Variants in STAM observed in about 807,000 individuals in gnomAD.
STAM encodes the protein signal transducing adapter molecule 1.
Under a neutral mutation model 63.4 loss-of-function variants are expected in STAM, and 16 were observed. That is an observed-to-expected ratio of 0.25 (90% CI 0.17 to 0.38). The LOEUF (loss-of-function observed/expected upper bound fraction) is 0.38. STAM is among the 10% of genes least tolerant of loss of function. The pLI is 1.00. For synonymous variants in STAM, 238 were observed against 223.9 expected, an observed-to-expected ratio of 1.06 and a Z score of -0.56; for missense variants, 636 against 657.1, an observed-to-expected ratio of 0.97 and a Z score of 0.35.
intron 1 of STAM, among the ~76,000 whole-genome samples, chr10:17,655,968 G>A (rs2131573181): frequency 6.6e-6 from 1 of 151,780 alleles, no homozygotes; most frequent in Admixed American, 6.6e-5. Context: ...CTCTTAAGTT[G>A]CTTTTTTCTT....
intron 10 of STAM, among the ~76,000 whole-genome samples, 174 bp downstream of exon 10, chr10:17,704,692 T>C (rs528293227): frequency 2.1e-4 from 32 of 152,362 alleles, no homozygotes; most frequent in Non-Finnish European, 2.8e-4. Flanking sequence ...TGAATTCTTA[T>C]AATTTTCTAT....
chr10:17,655,642 A>C (rs1833908205), intron 1 of STAM, among the ~76,000 whole-genome samples: 1 of 152,198 alleles, frequency 6.6e-6, no homozygotes, highest in Non-Finnish European at 1.5e-5. Context: ...TGAGGAAATA[A>C]GTGTACTCTG....
intron 2 of STAM, among the ~76,000 whole-genome samples, chr10:17,680,862 A>T (rs1476929087): frequency 6.6e-6 from 1 of 152,114 alleles, no homozygotes; most frequent in Non-Finnish European, 1.5e-5. Context: ...TTATCCATTT[A>T]TGCGTCTGTG....
Position 17,691,722 on chromosome 10 carries a change from A to G in STAM, c.445-1500A>G, listed in dbSNP as rs1276112752. Among the ~76,000 whole-genome samples the G allele has an allele frequency of 2.0e-5, 3 of 152,192 alleles. No homozygotes were observed. In the East Asian group the frequency reaches 5.8e-4, roughly 29 times the overall value. ...GTGGAGACAGACATGTAATCAGACAATTATAACAGAAGCTGAGATTATTGC... is the reference window on the plus strand; with the variant it reads ...GTGGAGACAGACATGTAATCAGACAGTTATAACAGAAGCTGAGATTATTGC... On this transcript the variant is annotated intron_variant, in intron 5 of 13. Coordinates refer to ENST00000377524, the MANE Select transcript of STAM (RefSeq NM_003473.4).
chr10:17,714,448 A>C, intron 13 of STAM, 95 bp from the exon 14 acceptor site: 1 of 1,147,954 alleles, frequency 8.7e-7, no homozygotes, highest in Non-Finnish European at 1.3e-6. Context: ...TGAATTGACT[A>C]TATGAATGAA....
chr10:17,660,036 C>T (rs1834099057), intron 1 of STAM, among the ~76,000 whole-genome samples: 1 of 150,158 alleles, frequency 6.7e-6, no homozygotes, highest in Non-Finnish European at 1.5e-5. Context: ...CTTCAGTCCC[C>T]TCTCCATATT....
intron 2 of STAM, among the ~76,000 whole-genome samples, chr10:17,662,635 T>G (rs987902012): frequency 1.3e-5 from 2 of 152,212 alleles, no homozygotes; most frequent in African/African-American, 2.4e-5. Context: ...AGAGGGAGAA[T>G]GCCTGGGTTC....
chr10:17,706,625 C>T (rs550061934), intron 12 of STAM, among the ~76,000 whole-genome samples: 6 of 151,934 alleles, frequency 3.9e-5, no homozygotes, highest in African/African-American at 1.4e-4. Context: ...GTGATCCACC[C>T]GCCTCGGCCT....
intron 2 of STAM, among the ~76,000 whole-genome samples, chr10:17,664,936 G>A: frequency 6.6e-6 from 1 of 152,100 alleles, no homozygotes; most frequent in East Asian, 1.9e-4. Flanking sequence ...AAAATGATTT[G>A]TAACTAGTAA....
intron 2 of STAM, among the ~76,000 whole-genome samples, chr10:17,667,768 T>C (rs1355133722): frequency 1.3e-5 from 2 of 152,328 alleles, no homozygotes; most frequent in East Asian, 3.9e-4. Flanking sequence ...AATTTTAATG[T>C]TGAAAAGAGA....
Position 17,649,384 on chromosome 10 carries a change from C to T in STAM, c.40+5005C>T, listed in dbSNP as rs1358802003. ...CTCTTGCCTGGGCAAGAGAGTGAGA[C>T]CCTGTCTTTAAAAAAAAAAAAAAAA... On this transcript the variant is annotated intron_variant, in intron 1 of 13. Transcript: ENST00000377524. 3.7e-5 allele frequency among the ~76,000 whole-genome samples: 5 copies of T among 135,620 alleles called. No individual in the cohort carries two copies. The Admixed American group carries it at 3.8e-4, about 10-fold the overall frequency. The allele number at this position is 135,620 out of a possible 152,430, so 89.0% of individuals were successfully genotyped here.
At chr10:17,685,495 C>T (rs1835258520) in intron 4 of STAM, among the ~76,000 whole-genome samples, 1 of 152,106 alleles carries the variant, frequency 6.6e-6, no homozygotes, top group South Asian at 2.1e-4. Flanking sequence ...GCACTAAATG[C>T]CAGGGTGATC....
At position 17,664,594 on chromosome 10, in the gene STAM, G is replaced by C. The variant is rs184189845; in HGVS notation, c.125+4046G>C. On this transcript the variant is annotated intron_variant, in intron 2 of 13. Transcript: ENST00000377524. ...ATAAGAATGTTGAACAGTATTGTAG[G>C]CTGCCATTGAGGTATTCTAAATACC... Among the ~76,000 whole-genome samples the C allele has an allele frequency of 4.6e-3, 696 of 152,240 alleles. 6 individuals carry two copies. Among genetic ancestry groups the C allele is most frequent in the African/African-American group, 0.016 (673 of 41,570 alleles).
intron 2 of STAM, among the ~76,000 whole-genome samples, chr10:17,661,894 TGTG>T (rs1485502993): frequency 1.8e-5 from 2 of 113,670 alleles, no homozygotes; most frequent in Non-Finnish European, 3.5e-5. Flanking sequence ...ATCTCCCAAA[TGTG>T]GTCCCATCCA....
intron 2 of STAM, among the ~76,000 whole-genome samples, chr10:17,670,206 A>G (rs937308603): frequency 1.6e-4 from 24 of 152,250 alleles, no homozygotes; most frequent in African/African-American, 4.6e-4. Context: ...TGATTTTTCT[A>G]TCTTTACTTG....
chr10:17,713,668 A>G lies in STAM; in HGVS notation c.1386-875A>G, dbSNP rs192320206. Among the ~76,000 whole-genome samples the G allele has an allele frequency of 7.4e-4, 113 of 152,118 alleles. 1 individual carries two copies. The highest frequency in any genetic ancestry group is 2.5e-3 in the African/African-American group (103 of 41,496). The stretch of plus-strand genomic sequence containing the variant: ...TTTGAAGGCATTATCTTCAAAATCT[A>G]TCTAGACTCTGACCCTTTCTCCCAT... On this transcript the variant is annotated intron_variant, in intron 13 of 13. Transcript: ENST00000377524.
chr10:17,686,365 A>G (rs1835293478), intron 4 of STAM, among the ~76,000 whole-genome samples: 1 of 150,942 alleles, frequency 6.6e-6, no homozygotes. Flanking sequence ...TTTTGTACTT[A>G]ATAACATCCC....
At chr10:17,708,620 C>T (rs964495484) in intron 12 of STAM, among the ~76,000 whole-genome samples, 156 bp from the exon 13 acceptor site, 9 of 152,102 alleles carry the variant, frequency 5.9e-5, no homozygotes, top group South Asian at 2.1e-4. Context: ...CATTGAAAAG[C>T]GTTTTTCAAA....
At chr10:17,651,705 T>C (rs1554821572) in intron 1 of STAM, among the ~76,000 whole-genome samples, 1 of 152,232 alleles carries the variant, frequency 6.6e-6, no homozygotes, top group Non-Finnish European at 1.5e-5. Context: ...AGATACAGTT[T>C]CCAGGAGGAT....
Sources: gnomAD v4.1 joint callset for allele counts (sites outside exome capture counted in the v4.1 genomes callset) on GRCh38, gnomAD v4.1.1 for gene constraint, MANE v1.5 for transcripts, NCBI Gene and HGNC (gene_info 2026-07-23, HGNC 2026-07-21) for gene names.